The following NR2E1 variants were observed in gnomAD, a reference collection of about 807,000 sequenced individuals.
The protein encoded by NR2E1 is nuclear receptor subfamily 2 group E member 1.
In NR2E1, 5 loss-of-function variants were observed where a neutral mutation model predicts 43.6. The ratio of observed to expected loss-of-function variants is 0.11; its 90% CI spans 0.06 to 0.24. NR2E1 has a LOEUF of 0.24. Ranked by LOEUF, NR2E1 falls within the 10% of genes least tolerant of loss-of-function variation. The probability of loss-of-function intolerance (pLI) is 1.00; values close to 1 mark genes in which losing one functional copy is unlikely to be tolerated. For synonymous variants in NR2E1, 191 were observed against 195.5 expected, an observed-to-expected ratio of 0.98 and a Z score of 0.19; for missense variants, 287 against 496.7, an observed-to-expected ratio of 0.58 and a Z score of 4.01.
chr6:108,179,983 C>T (rs1040288143), intron 5 of NR2E1, among the ~76,000 whole-genome samples: 1 of 152,008 alleles, frequency 6.6e-6, no homozygotes, highest in Non-Finnish European at 1.5e-5. Context: ...GAGGGGAATC[C>T]ACCTGCTGAG....
rs112982678 is a variant in NR2E1 at position 108,172,216 on chromosome 6, T to G, written c.171+613T>G. Among the ~76,000 whole-genome samples the G allele has an allele frequency of 1.0e-3, 157 of 152,294 alleles. 1 individual carries two copies. Among genetic ancestry groups the G allele is most frequent in the African/African-American group, 3.6e-3 (148 of 41,568 alleles). ...CTGCTCTGGAAGTGGGCAGTGGGAATCCAGCACCCATGTGACCTTAGCTAT... is the reference window on the plus strand; with the variant it reads ...CTGCTCTGGAAGTGGGCAGTGGGAAGCCAGCACCCATGTGACCTTAGCTAT... On this transcript the variant is annotated intron_variant, in intron 2 of 8. Transcript: ENST00000368986.
chr6:108,186,553 T>C (rs1231449925), intron 8 of NR2E1, among the ~76,000 whole-genome samples: 1 of 152,196 alleles, frequency 6.6e-6, no homozygotes, highest in Non-Finnish European at 1.5e-5. Context: ...TCCTTATGTA[T>C]ATTGATATCT....
intron 5 of NR2E1, chr6:108,179,196 C>T (rs540934055): frequency 2.0e-5 from 3 of 152,244 alleles, no homozygotes; most frequent in Admixed American, 2.0e-4. Context: ...ATGAGATGTT[C>T]TTGTTTTCAT....
rs1469729082 is a variant in NR2E1 at position 108,171,661 on chromosome 6, T to C, written c.171+58T>C. 3 of 1,608,956 alleles carry C rather than the reference T, an allele frequency of 1.9e-6. No individual in the cohort carries two copies. The African/African-American group carries it at 4.0e-5, about 21-fold the overall frequency. Reference sequence around the variant, plus strand: ...GCTCTGCTGCCTCCTCACTCTTTTGTTTGTGCCAAGGCCTCCTCTGAGTTT... The same window carrying C: ...GCTCTGCTGCCTCCTCACTCTTTTGCTTGTGCCAAGGCCTCCTCTGAGTTT... On this transcript the variant is annotated intron_variant, in intron 2 of 8. Transcript: ENST00000368986.
At chr6:108,179,805 C>T (rs1773955751) in intron 5 of NR2E1, among the ~76,000 whole-genome samples, 2 of 152,050 alleles carry the variant, frequency 1.3e-5, no homozygotes, top group South Asian at 4.1e-4. Context: ...GAAAACTCAG[C>T]AAAACCCGAT....
chr6:108,166,843 G>T lies in NR2E1; in HGVS notation c.25+53G>T. ...CCTAGGCGCGCAGCCTGGGGCGAGC[G>T]AGCGGGGAGGCTGGGGGAGGTCCTG... On this transcript the variant is annotated intron_variant, in intron 1 of 8. Coordinates refer to ENST00000368986, the MANE Select transcript of NR2E1 (RefSeq NM_003269.5). This position sits in a 1 kb window ranked among gnomAD's most constrained non-coding sequence, Gnocchi z 7.2. 6.4e-7 allele frequency: 1 copy of T among 1,551,720 alleles called. No homozygotes were observed. The highest frequency in any genetic ancestry group is 8.7e-7 in the Non-Finnish European group (1 of 1,146,292).
chr6:108,176,064 T>G (rs773443688), intron 3 of NR2E1: 23 of 166,724 alleles, frequency 1.4e-4, no homozygotes, highest in Non-Finnish European at 3.0e-4. Context: ...GGCTTGTTCT[T>G]GGACGGAGCT....
intron 1 of NR2E1, among the ~76,000 whole-genome samples, chr6:108,170,483 A>G (rs1397577170): frequency 6.7e-6 from 1 of 150,352 alleles, no homozygotes; most frequent in Admixed American, 6.6e-5. Flanking sequence ...CCTCTCCCTG[A>G]CACTCCTCCA....
intron 2 of NR2E1, 111 bp from the exon 3 acceptor site, chr6:108,174,725 C>A: frequency 2.4e-6 from 2 of 840,922 alleles, no homozygotes; most frequent in Non-Finnish European, 4.0e-6. Flanking sequence ...GGCTCCAGGG[C>A]CTGCGGCCGG....
At chr6:108,167,078 C>G (rs1773721997) in intron 1 of NR2E1, among the ~76,000 whole-genome samples, 1 of 152,058 alleles carries the variant, frequency 6.6e-6, no homozygotes. Context: ...CATTTAGCCG[C>G]CAGGTGCTGG....
rs771559629 is a variant in NR2E1, at chr6:108,176,481, G to C, written c.260-22G>C. On this transcript the variant is annotated intron_variant, in intron 3 of 8. Coordinates refer to ENST00000368986, the MANE Select transcript of NR2E1 (RefSeq NM_003269.5). ...TCGACGTCTCTAATCGCCGGCATGC[G>C]TTTCTCTGTTTGCCTCTGCAGCCGT... is the stretch of plus-strand genomic sequence containing the variant. 1.1e-5 allele frequency: 17 copies of C among 1,610,042 alleles called. 1 individual carries two copies. The highest frequency in any genetic ancestry group is 4.5e-5 in the East Asian group (2 of 44,838).
In NR2E1 at chr6:108,174,991, A is replaced by G. The variant is rs183478618; in HGVS notation, c.259+68A>G. On this transcript the variant is annotated intron_variant, in intron 3 of 8. Coordinates refer to ENST00000368986, the MANE Select transcript of NR2E1 (RefSeq NM_003269.5). The stretch of plus-strand genomic sequence containing the variant: ...AGTAAATTATATGTACAGAAAATAC[A>G]TGGCACTCCTATGCATGTAAATCAA... The G allele has an allele frequency of 2.4e-3, 3,385 of 1,419,992 alleles. 6 individuals are homozygous for G. The highest frequency in any genetic ancestry group is 2.7e-3 in the Non-Finnish European group (2,692 of 1,006,412). The allele number at this position is 1,419,992 out of a possible 1,614,324, so 88.0% of individuals were successfully genotyped here.
chr6:108,181,704 A>G lies in NR2E1; in HGVS notation c.995+53A>G. On this transcript the variant is annotated intron_variant, in intron 8 of 8. Transcript: ENST00000368986. The stretch of plus-strand genomic sequence containing the variant: ...CTTAAGAAAATTGCCTCCATTGTGA[A>G]TGCCTGAGCAGGCGGTAATAAGCCA... 7.5e-7 allele frequency: 1 copy of G among 1,336,100 alleles called. No homozygotes were observed. The highest frequency in any genetic ancestry group is 2.3e-5 in the East Asian group (1 of 43,626). The allele number at this position is 1,336,100 out of a possible 1,614,324, so 82.8% of individuals were successfully genotyped here.
intron 8 of NR2E1, among the ~76,000 whole-genome samples, chr6:108,183,881 C>A (rs943505074): frequency 2.6e-5 from 4 of 152,060 alleles, no homozygotes; most frequent in Non-Finnish European, 5.9e-5. Flanking sequence ...TGGAGCAGTA[C>A]ATAATCTGGG....
chr6:108,186,928 G>A (rs1279783454), intron 8 of NR2E1, among the ~76,000 whole-genome samples: 3 of 152,122 alleles, frequency 2.0e-5, no homozygotes, highest in Non-Finnish European at 2.9e-5. Context: ...GAAAACATGG[G>A]TTCTGTTGCT....
intron 4 of NR2E1, among the ~76,000 whole-genome samples, chr6:108,177,077 G>A (rs1246999280): frequency 2.0e-5 from 3 of 152,150 alleles, no homozygotes; most frequent in Non-Finnish European, 4.4e-5. Context: ...TGGAGACCTC[G>A]TCTAAACCCA....
chr6:108,179,559 AG>A (rs548455850), intron 5 of NR2E1, among the ~76,000 whole-genome samples: 2 of 145,596 alleles, frequency 1.4e-5, no homozygotes, highest in South Asian at 4.4e-4. Flanking sequence ...TTTCAAAATA[AG>A]TATTTGTATA....
intron 7 of NR2E1, 121 bp from the exon 8 acceptor site, chr6:108,181,425 C>A: frequency 3.6e-6 from 3 of 829,106 alleles, no homozygotes; most frequent in Non-Finnish European, 6.3e-6. Context: ...AACTGCTGAC[C>A]TCAAGTGATC....
intron 8 of NR2E1, among the ~76,000 whole-genome samples, chr6:108,186,873 G>T (rs1774084180): frequency 6.6e-6 from 1 of 152,108 alleles, no homozygotes; most frequent in South Asian, 2.1e-4. Context: ...AGAAAAAGAA[G>T]CCATTTTATT....
Sources: gnomAD v4.1 joint callset for allele counts (sites outside exome capture counted in the v4.1 genomes callset) on GRCh38, gnomAD v4.1.1 for gene constraint, Gnocchi (gnomAD v3.1) non-coding constraint, MANE v1.5 for transcripts, NCBI Gene and HGNC (gene_info 2026-07-23, HGNC 2026-07-21) for gene names.